Variants in CTU1 observed in about 807,000 individuals in gnomAD.
CTU1 encodes cytoplasmic tRNA 2-thiolation protein 1.
In CTU1, 15 loss-of-function variants were observed where a neutral mutation model predicts 12.9. The observed-to-expected ratio is 1.16, with a 90% confidence interval of 0.78 to 1.79. The LOEUF is 1.79. Among genes scored for constraint, CTU1 ranks in the 40% most tolerant of loss-of-function variants. The pLI, the probability that CTU1 is intolerant of heterozygous loss-of-function variation, is 0.00. For missense variants in CTU1, 553 were observed against 550.5 expected, an observed-to-expected ratio of 1.00 and a Z score of -0.05; for synonymous variants, 295 against 275.6, an observed-to-expected ratio of 1.07 and a Z score of -0.70.
Position 51,098,930 on chromosome 19 carries a change from C to T in CTU1, c.718G>A (p.Ala240Thr), listed in dbSNP as rs2091899495. 1 of 1,534,192 alleles carries T rather than the reference C, an allele frequency of 6.5e-7. No homozygotes were observed. The highest frequency in any genetic ancestry group is 1.2e-5 in the South Asian group (1 of 85,672). The change falls in exon 3 of 3, where the codon GCG becomes ACG. Residue 240 changes from alanine to threonine, a missense_variant. Ala to Thr is a moderately conservative substitution (Grantham distance 58). This residue lies in a region of CTU1 where 500 missense variants were observed against 458.5 expected (regional missense o/e 1.09). Coordinates refer to ENST00000421832, the MANE Select transcript of CTU1 (RefSeq NM_145232.4). The surrounding 1 kb of genome is among the most constrained non-coding windows in gnomAD (Gnocchi z 4.3). ...GCGTGGCCGCGGAAGGCCTCGGGCG[C>T]GTAGACGCACTCCTCGGAGAAGTAG... ...LDYFSEECVY[A>T]PEAFRGHARD...
rs1314899666 is a variant in CTU1 at position 51,098,632 on chromosome 19, G to A, written c.1016C>T (p.Pro339Leu). Residue 339 changes from proline (P) to leucine (L), a missense_variant, in exon 3 of 3, where the codon CCC (proline) becomes CTC (leucine). Pro to Leu is a moderately conservative substitution (Grantham distance 98). This residue lies in a region of CTU1 where 53 missense variants were observed against 92.0 expected (regional missense o/e 0.58). Transcript: ENST00000421832. This position sits in a 1 kb window ranked among gnomAD's most constrained non-coding sequence, Gnocchi z 4.3. Reference protein sequence around the residue: ...TPGTPGDPARPPASKAVPTF With the variant: ...TPGTPGDPARLPASKAVPTF Reference sequence around the variant, plus strand: ...GGTGGGGACGGCCTTGGAGGCGGGGGGCCGGGCCGGATCCCCGGGCGTCCC... The same window carrying A: ...GGTGGGGACGGCCTTGGAGGCGGGGAGCCGGGCCGGATCCCCGGGCGTCCC... 3.1e-6 allele frequency: 4 copies of A among 1,310,714 alleles called. No individual in the cohort carries two copies. The highest frequency in any genetic ancestry group is 9.7e-7 in the Non-Finnish European group (1 of 1,029,008). 81.2% of individuals were successfully genotyped at this position (1,310,714 alleles called of 1,614,324 possible).
In CTU1 at chr19:51,104,558, C is replaced by T; in HGVS notation, c.12G>A (p.Pro4=). 1 of 1,252,494 alleles carries T rather than the reference C, an allele frequency of 8.0e-7. No individual in the cohort carries two copies. The allele number at this position is 1,252,494 out of a possible 1,614,324, so 77.6% of individuals were successfully genotyped here. The change falls in exon 2 of 3, where the codon CCG becomes CCA. Residue 4 remains proline (P), a synonymous_variant. Coordinates refer to ENST00000421832, the MANE Select transcript of CTU1 (RefSeq NM_145232.4). The part of the protein sequence containing the change: MPA[P]PCASCHAARA... ...GTGCAGCATGGCAGGAGGCGCACGG[C>T]GGGGCGGGCATTGCGGGAGGGGTCG...
Position 51,106,404 on chromosome 19 carries a change from T to C in CTU1, c.-21-1814A>G, listed in dbSNP as rs551781990. On this transcript the variant is annotated intron_variant, in intron 1 of 2. Coordinates refer to ENST00000421832, the MANE Select transcript of CTU1 (RefSeq NM_145232.4). Reference sequence around the variant, plus strand: ...CCCGACTTTTGACTCACTCCTTCTGTGCTCCTGGATTTCCTGCTCAATTCT... The same window carrying C: ...CCCGACTTTTGACTCACTCCTTCTGCGCTCCTGGATTTCCTGCTCAATTCT... Among the ~76,000 whole-genome samples the C allele has an allele frequency of 1.2e-4, 19 of 152,324 alleles. 1 individual carries two copies. In the South Asian group the frequency reaches 3.3e-3, roughly 27 times the overall value.
intron 2 of CTU1, among the ~76,000 whole-genome samples, chr19:51,101,483 T>C (rs373647013): frequency 2.0e-5 from 3 of 152,134 alleles, no homozygotes; most frequent in African/African-American, 7.2e-5. Flanking sequence ...TACTATTAAA[T>C]AGCATCTAGT....
At chr19:51,101,311 CA>C (rs1354611508) in intron 2 of CTU1, among the ~76,000 whole-genome samples, 5 of 152,122 alleles carry the variant, frequency 3.3e-5, no homozygotes, top group Admixed American at 2.0e-4. Flanking sequence ...ACACACTGGT[CA>C]CCATGAAATT....
intron 1 of CTU1, among the ~76,000 whole-genome samples, chr19:51,106,672 A>ATTTTTTTT (rs56150506): frequency 7.3e-6 from 1 of 136,236 alleles, no homozygotes; most frequent in Non-Finnish European, 1.6e-5. Context: ...TGCCTGGCTA[A>ATTTTTTTT]TTTTTTTTTT....
At position 51,098,741 on chromosome 19, in the gene CTU1, C is replaced by A; in HGVS notation, c.907G>T (p.Ala303Ser). The A allele has an allele frequency of 8.3e-7, 1 of 1,198,410 alleles. No homozygotes were observed. Among genetic ancestry groups the A allele is most frequent in the Admixed American group, 4.6e-5 (1 of 21,656 alleles). The allele number at this position is 1,198,410 out of a possible 1,614,324, so 74.2% of individuals were successfully genotyped here. The change falls in exon 3 of 3, where the codon GCG becomes TCG. Residue 303 changes from alanine (A) to serine (S), a missense_variant. This residue lies in a region of CTU1 where 53 missense variants were observed against 92.0 expected (regional missense o/e 0.58). Coordinates refer to ENST00000421832, the MANE Select transcript of CTU1 (RefSeq NM_145232.4). The surrounding 1 kb of genome is among the most constrained non-coding windows in gnomAD (Gnocchi z 4.3). ...CCGCGGTTCAGGCCGTCCAGGAGCG[C>A]GCAGGCCTGGCAGAGCGCGCGGCTG... ...LASRALCQAC[A>S]LLDGLNRGRP...
chr19:51,104,961 C>A (rs1321321400), intron 1 of CTU1, among the ~76,000 whole-genome samples: 1 of 152,160 alleles, frequency 6.6e-6, no homozygotes, highest in Non-Finnish European at 1.5e-5. Flanking sequence ...CCAGGGAGGC[C>A]ACCCTTGTTA....
rs1180989753 is a variant in CTU1, at chr19:51,098,252, C to T, written c.*349G>A. The T allele has an allele frequency of 6.0e-6, 1 of 167,428 alleles. No individual in the cohort carries two copies. The highest frequency in any genetic ancestry group is 1.3e-5 in the Non-Finnish European group (1 of 78,220). 10.4% of individuals were successfully genotyped at this position (167,428 alleles called of 1,614,324 possible). A position where few individuals can be genotyped will look rare whatever the true frequency, so the allele number is the denominator to read the frequency against. On this transcript the variant is annotated 3_prime_UTR_variant, in exon 3 of 3. Coordinates refer to ENST00000421832, the MANE Select transcript of CTU1 (RefSeq NM_145232.4). The surrounding 1 kb of genome is among the most constrained non-coding windows in gnomAD (Gnocchi z 4.3). The stretch of plus-strand genomic sequence containing the variant: ...ATCACACGGTGTTCAGCCCCCTCCT[C>T]CCTGAGACCCAGGAGTCCACGACCC...
chr19:51,099,203 C>G, intron 2 of CTU1, 64 bp from the exon 3 acceptor site: 1 of 1,433,442 alleles, frequency 7.0e-7, no homozygotes. Flanking sequence ...CAGGGAGCCC[C>G]CCGGGGAACC....
At chr19:51,105,433 C>T (rs1031788363) in intron 1 of CTU1, among the ~76,000 whole-genome samples, 6 of 152,156 alleles carry the variant, frequency 3.9e-5, no homozygotes, top group African/African-American at 1.4e-4. Flanking sequence ...GCCTAGACTC[C>T]AACCCTCCAG....
rs1453219057 is a variant in CTU1 at position 51,104,199 on chromosome 19, C to T, written c.371G>A (p.Gly124Asp). ...TVVAYEDLFGGWTMDAVARST... is the reference protein window; with the variant it reads ...TVVAYEDLFGDWTMDAVARST... ...GCGGGCCACGGCGTCCATCGTCCAG[C>T]CCCCAAAGAGGTCTTCGTAGGCCAC... Residue 124 changes from glycine to aspartate, a missense_variant, in exon 2 of 3, where the codon GGC becomes GAC. Coordinates refer to ENST00000421832, the MANE Select transcript of CTU1 (RefSeq NM_145232.4). The T allele has an allele frequency of 6.6e-7, 1 of 1,522,522 alleles. No individual in the cohort carries two copies. Among genetic ancestry groups the T allele is most frequent in the East Asian group, 2.6e-5 (1 of 38,854 alleles). The allele number at this position is 1,522,522 out of a possible 1,614,324, so 94.3% of individuals were successfully genotyped here. A position where few individuals can be genotyped will look rare whatever the true frequency, so the allele number is the denominator to read the frequency against.
chr19:51,098,566 C>T lies in CTU1; in HGVS notation c.*35G>A, dbSNP rs1197635274. ...TGTCATTTACAGGCAGCCCCCACCC[C>T]GCGGCATCAGATCCCGGCGGGAGGC... On this transcript the variant is annotated 3_prime_UTR_variant, in exon 3 of 3. Coordinates refer to ENST00000421832, the MANE Select transcript of CTU1 (RefSeq NM_145232.4). The surrounding 1 kb of genome is among the most constrained non-coding windows in gnomAD (Gnocchi z 4.3). The T allele has an allele frequency of 2.6e-5, 32 of 1,245,808 alleles. No homozygotes were observed. In the East Asian group the frequency reaches 1.0e-3, roughly 39 times the overall value. The allele number at this position is 1,245,808 out of a possible 1,614,324, so 77.2% of individuals were successfully genotyped here.
intron 1 of CTU1, among the ~76,000 whole-genome samples, chr19:51,106,814 A>G (rs143001984): frequency 6.6e-6 from 1 of 151,980 alleles, no homozygotes; most frequent in African/African-American, 2.4e-5. Context: ...CACTGTGCCC[A>G]GCTTCTTTCC....
chr19:51,107,787 T>A (rs2091923984), intron 1 of CTU1, among the ~76,000 whole-genome samples: 1 of 152,098 alleles, frequency 6.6e-6, no homozygotes. Flanking sequence ...TTGACATGCA[T>A]GTTAAGCGTC....
intron 1 of CTU1, among the ~76,000 whole-genome samples, chr19:51,107,599 A>T (rs1404317): frequency 6.6e-6 from 1 of 151,888 alleles, no homozygotes; most frequent in Non-Finnish European, 1.5e-5. Context: ...GAAATTTTGG[A>T]TCTATTTTGA....
rs1325560005 is a variant in CTU1, at chr19:51,104,169, G to A, written c.401C>T (p.Thr134Ile). Reference protein sequence around the residue: ...GWTMDAVARSTAGSGRSRSCC... With the variant: ...GWTMDAVARSIAGSGRSRSCC... ...GGAGCGGCTGCGGCCGGAGCCGGCT[G>A]TGCTGCGGGCCACGGCGTCCATCGT... The change falls in exon 2 of 3, where the codon ACA becomes ATA. Residue 134 changes from threonine (T) to isoleucine (I), a missense_variant. Thr to Ile is a moderately conservative substitution (Grantham distance 89). Coordinates refer to ENST00000421832, the MANE Select transcript of CTU1 (RefSeq NM_145232.4). The A allele has an allele frequency of 6.6e-7, 1 of 1,522,256 alleles. No homozygotes were observed. The highest frequency in any genetic ancestry group is 8.8e-7 in the Non-Finnish European group (1 of 1,141,926). 94.3% of individuals were successfully genotyped at this position (1,522,256 alleles called of 1,614,324 possible). A position where few individuals can be genotyped will look rare whatever the true frequency, so the allele number is the denominator to read the frequency against.
At position 51,104,324 on chromosome 19, in the gene CTU1, C is replaced by T; in HGVS notation, c.246G>A (p.Leu82=). 6.7e-7 allele frequency: 1 copy of T among 1,484,594 alleles called. No individual in the cohort carries two copies. Among genetic ancestry groups the T allele is most frequent in the Non-Finnish European group, 8.9e-7 (1 of 1,122,148 alleles). The allele number at this position is 1,484,594 out of a possible 1,614,324, so 92.0% of individuals were successfully genotyped here. The change falls in exon 2 of 3, where the codon CTG becomes CTA. Residue 82 remains leucine (L), a synonymous_variant. Coordinates refer to ENST00000421832, the MANE Select transcript of CTU1 (RefSeq NM_145232.4). ...TGCCCTCATCGACGGCCACGAGCTGCAGTGAGATGCCCAGGCGCGGCGCCA... is the reference window on the plus strand; with the variant it reads ...TGCCCTCATCGACGGCCACGAGCTGTAGTGAGATGCCCAGGCGCGGCGCCA... ...RALAPRLGIS[L]QLVAVDEGIG... is the part of the protein sequence containing the mutation.
intron 2 of CTU1, among the ~76,000 whole-genome samples, chr19:51,100,864 G>A (rs1214011619): frequency 2.6e-5 from 4 of 151,684 alleles, no homozygotes; most frequent in African/African-American, 9.7e-5. Context: ...ACTGGTTCTT[G>A]ACACAGAGCC....
Sources: gnomAD v4.1 joint callset for allele counts (sites outside exome capture counted in the v4.1 genomes callset) on GRCh38, gnomAD v4.1.1 for gene constraint, gnomAD v4.1.1 regional missense constraint, Gnocchi (gnomAD v3.1) non-coding constraint, MANE v1.5 for transcripts, NCBI Gene and HGNC (gene_info 2026-07-23, HGNC 2026-07-21) for gene names.